The following TMEM255A variants were observed in gnomAD, a reference collection of about 807,000 sequenced individuals.
TMEM255A encodes transmembrane protein 255A.
In TMEM255A, 14 loss-of-function variants were observed where a neutral mutation model predicts 23.5. The ratio of observed to expected loss-of-function variants is 0.60; its 90% CI spans 0.39 to 0.93. The LOEUF (loss-of-function observed/expected upper bound fraction) is 0.93, where lower values mean the gene tolerates loss of function less well. TMEM255A is among the 40% of genes least tolerant of loss of function. The pLI, the probability that TMEM255A is intolerant of heterozygous loss-of-function variation, is 0.00. For synonymous variants in TMEM255A, 104 were observed against 100.3 expected (o/e 1.04, Z -0.22); for missense variants, 233 against 261.7 (o/e 0.89, Z 0.76).
Position 120,260,062 on chromosome X carries a change from T to G in TMEM255A, c.*808A>C, listed in dbSNP as rs2057666617. 7 of 691,823 alleles carry G rather than the reference T, an allele frequency of 1.0e-5. No homozygotes were observed. The highest frequency in any genetic ancestry group is 2.4e-5 in the African/African-American group (1 of 42,166). 57.0% of individuals were successfully genotyped at this position (691,823 alleles called of 1,213,427 possible). A position where few individuals can be genotyped will look rare whatever the true frequency, so the allele number is the denominator to read the frequency against. On this transcript the variant is annotated 3_prime_UTR_variant, in exon 9 of 9. Coordinates refer to ENST00000371369, the MANE Select transcript of TMEM255A (RefSeq NM_001104544.3). ...ATTTATAACATTTTTAAACTCTGAA[T>G]TACAACCATAAGATTTATATCTCCT... is the stretch of plus-strand genomic sequence containing the variant.
At chrX:120,304,563 TAAG>T in intron 1 of TMEM255A, 72 bp from the exon 2 acceptor site, 2 of 1,100,923 alleles carry the variant, frequency 1.8e-6, no homozygotes, top group Non-Finnish European at 2.5e-6. Context: ...AAAAAAACAC[TAAG>T]AAGGTTTTCC....
At chrX:120,294,079 T>C in intron 2 of TMEM255A, 28 bp from the exon 3 acceptor site, 1 of 1,085,968 alleles carries the variant, frequency 9.2e-7, no homozygotes, top group South Asian at 1.8e-5. Context: ...ATACATAGTA[T>C]GTGGGATGAC....
At chrX:120,277,224 G>A (rs781901297) in intron 6 of TMEM255A, among the ~76,000 whole-genome samples, 177 bp from the exon 7 acceptor site, 6 of 111,420 alleles carry the variant, frequency 5.4e-5, no homozygotes, top group Admixed American at 9.5e-5. Context: ...AAGTGTGATT[G>A]TTTATCCCCA....
In TMEM255A at chrX:120,304,358, G is replaced by A. The variant is rs1203998644; in HGVS notation, c.192C>T (p.Pro64=). 8.3e-6 allele frequency: 10 copies of A among 1,207,397 alleles called. No homozygotes were observed. Among genetic ancestry groups the A allele is most frequent in the African/African-American group, 1.8e-5 (1 of 56,921 alleles). Residue 64 remains proline (P), a synonymous_variant, in exon 2 of 9, where the codon CCC becomes CCT. Coordinates refer to ENST00000371369, the MANE Select transcript of TMEM255A (RefSeq NM_001104544.3). ...TGCCTTCTATACTTACAATAACTCCGGGGTAATAACCTCCTACAGTCACAT... is the reference window on the plus strand; with the variant it reads ...TGCCTTCTATACTTACAATAACTCCAGGGTAATAACCTCCTACAGTCACAT... ...TQNVTVGGYY[P]GVILGFGSFL... is the part of the protein sequence containing the mutation.
Position 120,268,224 on chromosome X carries a change from T to G in TMEM255A, c.819+20A>C. 1 of 1,199,646 alleles carries G rather than the reference T, an allele frequency of 8.3e-7. No homozygotes were observed. Among genetic ancestry groups the G allele is most frequent in the Non-Finnish European group, 1.1e-6 (1 of 890,318 alleles). ...TGAGAACAAGGGTAATACAGAGTTC[T>G]TTTTTCTCCCAAAACATACCTGAAA... On this transcript the variant is annotated intron_variant, in intron 8 of 8. Coordinates refer to ENST00000371369, the MANE Select transcript of TMEM255A (RefSeq NM_001104544.3).
Position 120,260,023 on chromosome X carries a change from G to T in TMEM255A, c.*847C>A. On this transcript the variant is annotated 3_prime_UTR_variant, in exon 9 of 9. Coordinates refer to ENST00000371369, the MANE Select transcript of TMEM255A (RefSeq NM_001104544.3). ...AAAGATTAGTAACAATTCATATCAC[G>T]ACCCAAGAACCTAATTTATAACATT... The T allele has an allele frequency of 4.1e-6, 2 of 487,320 alleles. No homozygotes were observed. Among genetic ancestry groups the T allele is most frequent in the Non-Finnish European group, 5.1e-6 (2 of 395,823 alleles). 40.2% of individuals were successfully genotyped at this position (487,320 alleles called of 1,213,427 possible).
At chrX:120,271,855 T>C (rs2057763649) in intron 7 of TMEM255A, among the ~76,000 whole-genome samples, 2 of 111,840 alleles carry the variant, frequency 1.8e-5, no homozygotes, top group East Asian at 2.8e-4. Flanking sequence ...AAAGAAAAGA[T>C]AGATAAATGA....
At chrX:120,287,313 AC>A (rs781814812) in intron 4 of TMEM255A, 91 bp from the exon 5 acceptor site, 10,205 of 435,236 alleles carry the variant, frequency 0.023, 18 homozygotes, top group Non-Finnish European at 0.031. Flanking sequence ...TTGAATACAC[AC>A]ACACACACAC....
At chrX:120,309,476 G>T (rs979393803) in intron 1 of TMEM255A, among the ~76,000 whole-genome samples, 5 of 113,085 alleles carry the variant, frequency 4.4e-5, no homozygotes, top group African/African-American at 1.6e-4. Context: ...CTCCCCGAAG[G>T]CAGACGGGCC....
chrX:120,284,666 T>A (rs373347337), intron 6 of TMEM255A, among the ~76,000 whole-genome samples: 24 of 111,642 alleles, frequency 2.1e-4, no homozygotes, highest in African/African-American at 6.2e-4. Flanking sequence ...CCTACTAGAA[T>A]ATAAGCTCCA....
At chrX:120,282,612 G>C (rs1370878948) in intron 6 of TMEM255A, among the ~76,000 whole-genome samples, 2 of 111,775 alleles carry the variant, frequency 1.8e-5, no homozygotes, top group South Asian at 3.8e-4. Flanking sequence ...ATTAAGTCAT[G>C]CTCCCTGCCC....
chrX:120,263,840 GAT>G (rs1556017057), intron 8 of TMEM255A, among the ~76,000 whole-genome samples: 2 of 110,804 alleles, frequency 1.8e-5, no homozygotes, highest in African/African-American at 6.6e-5. Context: ...AAAGTTGAGT[GAT>G]AGCAACAACA....
chrX:120,300,038 G>C (rs1556025637), intron 2 of TMEM255A, among the ~76,000 whole-genome samples: 2 of 112,112 alleles, frequency 1.8e-5, no homozygotes, highest in Admixed American at 1.9e-4. Flanking sequence ...ACTCAGGCTA[G>C]TATGCGCCCT....
At position 120,287,184 on chromosome X, in the gene TMEM255A, A is replaced by G; in HGVS notation, c.393T>C (p.Val131=). The change falls in exon 5 of 9, where the codon GTT becomes GTC. Residue 131 remains valine, a synonymous_variant. Transcript: ENST00000371369. ...CAGCTTCCTTCTGTGATGTCTTGGG[A>G]ACATAATGGCACCGGTTAGCGTAGA... The part of the protein sequence containing the change: ...KPLYANRCHY[V]PKTSQKEAEE... 2 of 1,211,115 alleles carry G rather than the reference A, an allele frequency of 1.7e-6. No homozygotes were observed. Among genetic ancestry groups the G allele is most frequent in the Non-Finnish European group, 2.2e-6 (2 of 894,954 alleles).
At chrX:120,297,118 AT>A (rs1242033074) in intron 2 of TMEM255A, among the ~76,000 whole-genome samples, 10 of 35,037 alleles carry the variant, frequency 2.9e-4, no homozygotes, top group Non-Finnish European at 4.4e-4. Context: ...ATTATATTAT[AT>A]TATAATATAT....
At chrX:120,279,662 G>GA (rs2057823526) in intron 6 of TMEM255A, among the ~76,000 whole-genome samples, 1 of 112,441 alleles carries the variant, frequency 8.9e-6, no homozygotes, top group African/African-American at 3.2e-5. Context: ...GACTGTGTTC[G>GA]AATCCTGGCT....
At chrX:120,286,054 T>C (rs2057873367) in intron 5 of TMEM255A, 1 of 450,297 alleles carries the variant, frequency 2.2e-6, no homozygotes, top group African/African-American at 2.5e-5. Flanking sequence ...TAAGCTGTTA[T>C]CATATATGCA....
chrX:120,256,857 T>A, downstream of TMEM255A: 1 of 122,040 alleles, frequency 8.2e-6, no homozygotes, highest in East Asian at 2.8e-4. Context: ...ATTAGTCATT[T>A]GTAACCTTGC....
At chrX:120,287,275 G>A (rs904926414) in intron 4 of TMEM255A, 53 bp from the exon 5 acceptor site, 35 of 944,157 alleles carry the variant, frequency 3.7e-5, no homozygotes, top group Non-Finnish European at 5.2e-5. Context: ...AAATAAAACA[G>A]CAAGTGTTGT....
Sources: gnomAD v4.1 joint callset for allele counts (sites outside exome capture counted in the v4.1 genomes callset) on GRCh38, gnomAD v4.1.1 for gene constraint, MANE v1.5 for transcripts, NCBI Gene and HGNC (gene_info 2026-07-23, HGNC 2026-07-21) for gene names.